JAM3: variants seen among roughly 807,000 people sequenced by gnomAD.
JAM3 encodes the protein junctional adhesion molecule C.
A neutral mutation model predicts 39.4 loss-of-function variants in JAM3; 31 were observed. The ratio of observed to expected loss-of-function variants is 0.79; its 90% CI spans 0.59 to 1.06. JAM3 has a LOEUF of 1.06. JAM3 is among the 50% of genes least tolerant of loss of function. The pLI, the probability that JAM3 is intolerant of heterozygous loss-of-function variation, is 0.00. For synonymous variants in JAM3, 182 were observed against 148.7 expected (o/e 1.22, Z -1.63); for missense variants, 455 against 391.4 (o/e 1.16, Z -1.37).
At chr11:134,074,631 GCCTCCCCCCTT>G (rs1044267580) in intron 1 of JAM3, among the ~76,000 whole-genome samples, 1 of 152,158 alleles carries the variant, frequency 6.6e-6, no homozygotes, top group African/African-American at 2.4e-5. Context: ...GAGATTACCG[GCCTCCCCCCTT>G]CTTTTTGAAC....
At chr11:134,107,931 A>G (rs1942229925) in intron 1 of JAM3, among the ~76,000 whole-genome samples, 1 of 152,072 alleles carries the variant, frequency 6.6e-6, no homozygotes, top group Admixed American at 6.6e-5. Flanking sequence ...AAGTAAGCAG[A>G]ATAAAGAAGA....
chr11:134,137,452 C>A (rs1404699076), intron 1 of JAM3, among the ~76,000 whole-genome samples: 1 of 152,174 alleles, frequency 6.6e-6, no homozygotes, highest in Non-Finnish European at 1.5e-5. Flanking sequence ...CTTCATACTT[C>A]TTAAGAGAAA....
In JAM3 at chr11:134,144,386, T is replaced by G. The variant is rs779180039; in HGVS notation, c.402T>G (p.Thr134=). 6.2e-7 allele frequency: 1 copy of G among 1,614,210 alleles called. No individual in the cohort carries two copies. Among genetic ancestry groups the G allele is most frequent in the South Asian group, 1.1e-5 (1 of 91,088 alleles). The change falls in exon 4 of 9, where the codon ACT becomes ACG. Residue 134 remains threonine (T), a synonymous_variant. Transcript: ENST00000299106. The stretch of plus-strand genomic sequence containing the variant: ...TTGATGAGATTGTGATCGAGTTAAC[T>G]GTGCAAGGTAGGAGCTCATGCGAAG... ...KEIDEIVIEL[T]VQVKPVTPVC... is the part of the protein sequence containing the mutation.
intron 4 of JAM3, 128 bp downstream of exon 4, chr11:134,144,521 T>A: frequency 2.6e-6 from 3 of 1,153,010 alleles, no homozygotes; most frequent in Non-Finnish European, 3.9e-6. Context: ...GGAGAACTGT[T>A]GAGAGCTGAG....
intron 1 of JAM3, among the ~76,000 whole-genome samples, chr11:134,107,518 G>T (rs1054484245): frequency 6.6e-6 from 1 of 151,978 alleles, no homozygotes; most frequent in Non-Finnish European, 1.5e-5. Context: ...GTGTTTTGAA[G>T]TGAATGAAAA....
chr11:134,090,430 T>C (rs996780409), intron 1 of JAM3, among the ~76,000 whole-genome samples: 16 of 152,366 alleles, frequency 1.1e-4, no homozygotes, highest in Middle Eastern at 3.4e-3. Flanking sequence ...AGGGTTTTTT[T>C]CAATATATGG....
chr11:134,134,398 C>CAAAAAAAAAAAAAAAAAAAA (rs34729848), intron 1 of JAM3, among the ~76,000 whole-genome samples: 5 of 31,922 alleles, frequency 1.6e-4, no homozygotes, highest in Admixed American at 4.7e-4. Context: ...GGATAAATGC[C>CAAAAAAAAAAAAAAAAAAAA]AAAAAAAAAA....
At chr11:134,144,620 G>T (rs1479039788) in intron 4 of JAM3, among the ~76,000 whole-genome samples, 172 bp from the exon 5 acceptor site, 1 of 152,180 alleles carries the variant, frequency 6.6e-6, no homozygotes, top group African/African-American at 2.4e-5. Flanking sequence ...TAACATATGG[G>T]AGGGCAGGAT....
At chr11:134,093,978 C>T (rs1437201528) in intron 1 of JAM3, among the ~76,000 whole-genome samples, 1 of 125,844 alleles carries the variant, frequency 7.9e-6, no homozygotes. Flanking sequence ...ATGTCACTTC[C>T]TGAGGAAAGC....
chr11:134,111,246 C>T (rs755506640), intron 1 of JAM3, among the ~76,000 whole-genome samples: 3 of 149,928 alleles, frequency 2.0e-5, no homozygotes, highest in East Asian at 2.0e-4. Flanking sequence ...TGGGTTCACG[C>T]CATTCTCCTG....
intron 3 of JAM3, among the ~76,000 whole-genome samples, chr11:134,141,671 C>T (rs74536314): frequency 0.029 from 4,370 of 151,870 alleles, 220 homozygotes; most frequent in African/African-American, 0.099. Flanking sequence ...CTGCAGAGTC[C>T]GGGAGAGGGC....
intron 1 of JAM3, among the ~76,000 whole-genome samples, chr11:134,074,007 A>T (rs1189582084): frequency 6.6e-6 from 1 of 152,220 alleles, no homozygotes; most frequent in Non-Finnish European, 1.5e-5. Context: ...TAATTTCAGA[A>T]TCTTTCTGCC....
chr11:134,144,789 C>G lies in JAM3; in HGVS notation c.410-3C>G, dbSNP rs781346869. The G allele has an allele frequency of 3.7e-6, 6 of 1,613,468 alleles. No homozygotes were observed. Among genetic ancestry groups the G allele is most frequent in the Non-Finnish European group, 5.1e-6 (6 of 1,179,468 alleles). On this transcript the variant is annotated splice_region_variant and splice_polypyrimidine_tract_variant and intron_variant, in intron 4 of 8. Coordinates refer to ENST00000299106, the MANE Select transcript of JAM3 (RefSeq NM_032801.5). ...CTTAAACACCACCCCTTTTTCCCCA[C>G]AGTGAAGCCAGTGACCCCTGTCTGT... is the stretch of plus-strand genomic sequence containing the variant.
chr11:134,103,542 G>A (rs150539923), intron 1 of JAM3, among the ~76,000 whole-genome samples: 2,941 of 152,238 alleles, frequency 0.019, 38 homozygotes, highest in Non-Finnish European at 0.032. Flanking sequence ...TGGGCTAAAT[G>A]CTCCAATTAA....
Position 134,108,267 on chromosome 11 carries a change from C to A in JAM3, c.77-31584C>A, listed in dbSNP as rs575146367. Among the ~76,000 whole-genome samples, 10 of 151,896 alleles carry A rather than the reference C, an allele frequency of 6.6e-5. No individual in the cohort carries two copies. The South Asian group carries it at 1.0e-3, about 16-fold the overall frequency. On this transcript the variant is annotated intron_variant, in intron 1 of 8. Transcript: ENST00000299106. The stretch of plus-strand genomic sequence containing the variant: ...ATAAGTGGCCTGAATAGCCTAACAT[C>A]TACTTTTTAAAAATAATTTATAGTT...
At chr11:134,146,088 G>A (rs374704989) in intron 6 of JAM3, 43 bp downstream of exon 6, 23 of 1,253,736 alleles carry the variant, frequency 1.8e-5, no homozygotes, top group African/African-American at 8.9e-5. Context: ...AGACTGGGAA[G>A]TGAATAGAAC....
At chr11:134,086,999 C>G (rs1246005123) in intron 1 of JAM3, among the ~76,000 whole-genome samples, 1 of 152,126 alleles carries the variant, frequency 6.6e-6, no homozygotes, top group African/African-American at 2.4e-5. Flanking sequence ...GAGATGAGGT[C>G]TCACTTTGTT....
At chr11:134,082,780 A>G (rs557690692) in intron 1 of JAM3, among the ~76,000 whole-genome samples, 13 of 152,264 alleles carry the variant, frequency 8.5e-5, no homozygotes, top group Non-Finnish European at 1.5e-4. Flanking sequence ...TTTATATACT[A>G]TTTTGGGGGA....
chr11:134,114,921 G>A (rs144261799), intron 1 of JAM3, among the ~76,000 whole-genome samples: 189 of 152,252 alleles, frequency 1.2e-3, no homozygotes, highest in African/African-American at 4.3e-3. Flanking sequence ...CACTTGTTCT[G>A]CTATTGAGAG....
Sources: gnomAD v4.1 joint callset for allele counts (sites outside exome capture counted in the v4.1 genomes callset) on GRCh38, gnomAD v4.1.1 for gene constraint, MANE v1.5 for transcripts, NCBI Gene and HGNC (gene_info 2026-07-23, HGNC 2026-07-21) for gene names.